The following ITFG1 variants were observed in gnomAD, a reference collection of about 807,000 sequenced individuals.
The protein encoded by ITFG1 is T-cell immunomodulatory protein.
ITFG1 carries 34 observed loss-of-function variants against 81.8 expected under a neutral mutation model. The observed-to-expected ratio is 0.42, with a 90% CI of 0.32 to 0.55. The LOEUF (loss-of-function observed/expected upper bound fraction) is 0.55. Among genes scored for constraint, ITFG1 ranks in the 20% least tolerant of loss-of-function variants. The pLI is 0.17. For missense variants in ITFG1, 672 were observed against 755.4 expected (o/e 0.89, Z 1.29); for synonymous variants, 285 against 270.6 (o/e 1.05, Z -0.52).
chr16:47,374,324 T>C (rs1248188921), intron 7 of ITFG1, among the ~76,000 whole-genome samples: 2 of 152,234 alleles, frequency 1.3e-5, no homozygotes, highest in Non-Finnish European at 2.9e-5. Context: ...AGTGAATTTA[T>C]TAGTTTTCTT....
chr16:47,369,092 T>C lies in ITFG1; in HGVS notation c.721-3223A>G, dbSNP rs576675091. Among the ~76,000 whole-genome samples, 9 of 152,342 alleles carry C rather than the reference T, an allele frequency of 5.9e-5. No individual in the cohort carries two copies. The South Asian group carries it at 1.9e-3, about 32-fold the overall frequency. On this transcript the variant is annotated intron_variant, in intron 7 of 17. Transcript: ENST00000320640. ...ACATATTTAATATGTAATGAAATGA[T>C]TTAATAAACTGCATCATCAATATAT... is the stretch of plus-strand genomic sequence containing the variant.
At chr16:47,416,911 C>T (rs895559456) in intron 6 of ITFG1, among the ~76,000 whole-genome samples, 2 of 152,162 alleles carry the variant, frequency 1.3e-5, no homozygotes, top group African/African-American at 4.8e-5. Context: ...TAAAAATTGG[C>T]CAAATTCTTA....
At chr16:47,220,506 A>G (rs947034069) in intron 13 of ITFG1, among the ~76,000 whole-genome samples, 2 of 152,214 alleles carry the variant, frequency 1.3e-5, no homozygotes, top group African/African-American at 4.8e-5. Context: ...ATAAAATTTG[A>G]GCTTCTAAGT....
rs1311487141 is a variant in ITFG1, at chr16:47,396,841, T to C, written c.656-20901A>G. On this transcript the variant is annotated intron_variant, in intron 6 of 17. Transcript: ENST00000320640. ...GCTATGTGACTGGTGGTTTTGGAGATGGTATATTTTCTGGTACCTACAAGG... is the reference window on the plus strand; with the variant it reads ...GCTATGTGACTGGTGGTTTTGGAGACGGTATATTTTCTGGTACCTACAAGG... 2.0e-5 allele frequency among the ~76,000 whole-genome samples: 3 copies of C among 151,932 alleles called. No individual in the cohort carries two copies. In the East Asian group the frequency reaches 5.8e-4, roughly 29 times the overall value.
At chr16:47,288,217 G>A (rs777522512) in intron 10 of ITFG1, among the ~76,000 whole-genome samples, 1 of 152,052 alleles carries the variant, frequency 6.6e-6, no homozygotes, top group Non-Finnish European at 1.5e-5. Context: ...TCTGTACTTG[G>A]ATTATTTCAC....
chr16:47,438,847 C>T (rs1358830765), intron 5 of ITFG1, among the ~76,000 whole-genome samples: 1 of 152,110 alleles, frequency 6.6e-6, no homozygotes, highest in Non-Finnish European at 1.5e-5. Flanking sequence ...ATGACTTTGA[C>T]GAGTTGAGAG....
intron 13 of ITFG1, among the ~76,000 whole-genome samples, chr16:47,230,387 G>C (rs1965802500): frequency 6.6e-6 from 1 of 152,204 alleles, no homozygotes; most frequent in African/African-American, 2.4e-5. Flanking sequence ...AGTGGGTTAA[G>C]GATACTGAGG....
chr16:47,251,181 C>G (rs1966069904), intron 12 of ITFG1, among the ~76,000 whole-genome samples: 1 of 152,214 alleles, frequency 6.6e-6, no homozygotes, highest in Non-Finnish European at 1.5e-5. Flanking sequence ...ACTCAGAGAG[C>G]CTGTCGACAC....
At chr16:47,194,836 CCA>C (rs994327187) in intron 14 of ITFG1, among the ~76,000 whole-genome samples, 35 of 152,036 alleles carry the variant, frequency 2.3e-4, no homozygotes, top group Middle Eastern at 3.4e-3. Flanking sequence ...GTTTCAAGCC[CCA>C]CATATATTAG....
At chr16:47,375,140 T>C (rs1968307338) in intron 7 of ITFG1, among the ~76,000 whole-genome samples, 1 of 152,192 alleles carries the variant, frequency 6.6e-6, no homozygotes, top group African/African-American at 2.4e-5. Flanking sequence ...TTTCATTTGA[T>C]CTTCATAAAG....
intron 6 of ITFG1, among the ~76,000 whole-genome samples, chr16:47,403,736 A>G (rs899946967): frequency 1.3e-5 from 2 of 151,144 alleles, no homozygotes; most frequent in African/African-American, 4.9e-5. Context: ...GTTCAGGGAA[A>G]AAAGTTGATT....
At chr16:47,349,524 T>C (rs1428124516) in intron 8 of ITFG1, among the ~76,000 whole-genome samples, 1 of 152,116 alleles carries the variant, frequency 6.6e-6, no homozygotes, top group Non-Finnish European at 1.5e-5. Flanking sequence ...CCTAAATATA[T>C]ATGCACCCAA....
chr16:47,308,760 T>A (rs1293412298), intron 10 of ITFG1, among the ~76,000 whole-genome samples: 1 of 152,220 alleles, frequency 6.6e-6, no homozygotes, highest in Non-Finnish European at 1.5e-5. Flanking sequence ...GACTTCTGAG[T>A]GTGCTTCTTT....
At chr16:47,375,966 A>C in intron 6 of ITFG1, 26 bp from the exon 7 acceptor site, 2 of 1,471,878 alleles carry the variant, frequency 1.4e-6, no homozygotes, top group Non-Finnish European at 1.9e-6. Context: ...ATAAAAACGT[A>C]AAGTTTTGTA....
intron 14 of ITFG1, among the ~76,000 whole-genome samples, chr16:47,205,143 T>C (rs1596806858): frequency 1.3e-5 from 2 of 152,248 alleles, no homozygotes; most frequent in East Asian, 1.9e-4. Context: ...CATAAGTTTA[T>C]AAAGTTTTGT....
intron 6 of ITFG1, among the ~76,000 whole-genome samples, chr16:47,396,629 A>G (rs1968597838): frequency 6.6e-6 from 1 of 152,036 alleles, no homozygotes; most frequent in Non-Finnish European, 1.5e-5. Context: ...GAAGCCAAGC[A>G]TATTTGCAAG....
At chr16:47,348,747 A>T (rs1328738720) in intron 8 of ITFG1, among the ~76,000 whole-genome samples, 1 of 152,218 alleles carries the variant, frequency 6.6e-6, no homozygotes, top group African/African-American at 2.4e-5. Flanking sequence ...CAACTCCAAG[A>T]CACATAATTG....
intron 5 of ITFG1, among the ~76,000 whole-genome samples, chr16:47,435,398 T>G (rs1969153396): frequency 6.6e-6 from 1 of 152,236 alleles, no homozygotes; most frequent in Non-Finnish European, 1.5e-5. Context: ...TAAGCCACAC[T>G]GAGTGTATCA....
At chr16:47,274,734 C>T (rs1287439798) in intron 10 of ITFG1, among the ~76,000 whole-genome samples, 2 of 151,842 alleles carry the variant, frequency 1.3e-5, no homozygotes, top group Non-Finnish European at 1.5e-5. Context: ...TCTATATATC[C>T]TTATATAGAC....
Sources: allele counts gnomAD v4.1 joint callset (sites outside exome capture counted in the v4.1 genomes callset), GRCh38; gene constraint gnomAD v4.1.1; transcripts MANE v1.5; gene names NCBI Gene and HGNC (gene_info 2026-07-23, HGNC 2026-07-21).